Variants in PDE6A observed in about 807,000 individuals in gnomAD.
The protein encoded by PDE6A is rod cGMP-specific 3',5'-cyclic phosphodiesterase subunit alpha.
PDE6A carries 84 observed loss-of-function variants against 106.3 expected under a neutral mutation model. The observed-to-expected ratio is 0.79, with a 90% CI of 0.66 to 0.95. The LOEUF (loss-of-function observed/expected upper bound fraction) is 0.95. Among genes scored for constraint, PDE6A ranks in the 40% least tolerant of loss-of-function variants. The pLI, the probability that PDE6A is intolerant of heterozygous loss-of-function variation, is 0.00. For synonymous variants in PDE6A, 394 were observed against 386.6 expected (o/e 1.02, Z -0.23); for missense variants, 1,052 against 1,084.9 (o/e 0.97, Z 0.43).
intron 17 of PDE6A, 92 bp downstream of exon 17, chr5:149,883,337 A>C (rs1193964432): frequency 5.9e-6 from 5 of 851,656 alleles, no homozygotes; most frequent in Non-Finnish European, 1.0e-5. Flanking sequence ...AAATAGTCCC[A>C]AGGCTTGTTG....
At chr5:149,920,992 A>AAG (rs199858582) in intron 5 of PDE6A, among the ~76,000 whole-genome samples, 8,693 of 132,994 alleles carry the variant, frequency 0.065, 714 homozygotes, top group African/African-American at 0.19. Flanking sequence ...GAAAGAAAGA[A>AAG]AGAAAAAGAA....
At chr5:149,861,749 G>C (rs1760152363) in intron 21 of PDE6A, among the ~76,000 whole-genome samples, 1 of 152,052 alleles carries the variant, frequency 6.6e-6, no homozygotes, top group African/African-American at 2.4e-5. Flanking sequence ...AAAAAATGTT[G>C]GTACTGATTC....
intron 1 of PDE6A, among the ~76,000 whole-genome samples, chr5:149,941,606 T>C (rs1292912967): frequency 6.6e-6 from 1 of 152,198 alleles, no homozygotes; most frequent in Non-Finnish European, 1.5e-5. Flanking sequence ...GAAAAACACA[T>C]CACCTCTGTG....
intron 6 of PDE6A, among the ~76,000 whole-genome samples, chr5:149,908,935 A>G (rs251345): frequency 0.81 from 122,960 of 152,196 alleles, 49,927 homozygotes; most frequent in African/African-American, 0.86. Flanking sequence ...TTTGTGAGAA[A>G]GTTTTGATTT....
chr5:149,885,302 A>T (rs947320338), intron 14 of PDE6A, among the ~76,000 whole-genome samples: 2 of 152,254 alleles, frequency 1.3e-5, no homozygotes, highest in African/African-American at 4.8e-5. Context: ...GAAAGTATTG[A>T]GAAGACTCAG....
At chr5:149,913,679 C>G (rs1361737743) in intron 6 of PDE6A, among the ~76,000 whole-genome samples, 3 of 152,076 alleles carry the variant, frequency 2.0e-5, no homozygotes, top group Non-Finnish European at 4.4e-5. Flanking sequence ...TGTGGCTCTC[C>G]CACGAACCGA....
chr5:149,881,362 T>C (rs1760915822), intron 17 of PDE6A, among the ~76,000 whole-genome samples: 2 of 151,970 alleles, frequency 1.3e-5, no homozygotes, highest in East Asian at 3.9e-4. Context: ...TCATCAACGG[T>C]GGATTAGATA....
chr5:149,898,707 C>T (rs2113593558), intron 9 of PDE6A, among the ~76,000 whole-genome samples: 1 of 152,280 alleles, frequency 6.6e-6, no homozygotes, highest in East Asian at 1.9e-4. Flanking sequence ...AAAGCACTAA[C>T]ATACAGAAAG....
Position 149,921,631 on chromosome 5 carries a change from G to C in PDE6A, c.933+4C>G. ...TCATACTGAAAAGGTCAGAGAGAACGTACTCTTCCATCCGGAGTCCTGGGA... is the reference window on the plus strand; with the variant it reads ...TCATACTGAAAAGGTCAGAGAGAACCTACTCTTCCATCCGGAGTCCTGGGA... On this transcript the variant is annotated splice_donor_region_variant and intron_variant, in intron 5 of 21. Transcript: ENST00000255266. 9 of 1,607,898 alleles carry C rather than the reference G, an allele frequency of 5.6e-6. No individual in the cohort carries two copies. The highest frequency in any genetic ancestry group is 7.7e-6 in the Non-Finnish European group (9 of 1,174,460).
chr5:149,902,386 T>C (rs1157145708), intron 8 of PDE6A, among the ~76,000 whole-genome samples: 1 of 152,050 alleles, frequency 6.6e-6, no homozygotes, highest in Non-Finnish European at 1.5e-5. Flanking sequence ...GGTGTCTCTT[T>C]CCCCATGCAA....
At chr5:149,875,482 TGAC>T (rs1760705877) in intron 17 of PDE6A, among the ~76,000 whole-genome samples, 1 of 146,714 alleles carries the variant, frequency 6.8e-6, no homozygotes, top group African/African-American at 2.7e-5. Flanking sequence ...TTATACATAC[TGAC>T]TATTTTTTTT....
chr5:149,861,870 G>T (rs1043575857), intron 21 of PDE6A, among the ~76,000 whole-genome samples: 11 of 152,088 alleles, frequency 7.2e-5, no homozygotes, highest in Non-Finnish European at 1.5e-4. Context: ...AAGACAATTT[G>T]TACAAATTAG....
intron 1 of PDE6A, among the ~76,000 whole-genome samples, chr5:149,941,490 A>G (rs1481034950): frequency 6.6e-6 from 1 of 152,228 alleles, no homozygotes; most frequent in Non-Finnish European, 1.5e-5. Flanking sequence ...ATCTCAGGGA[A>G]CAGTGGATCC....
At chr5:149,895,643 A>C (rs1396649273) in intron 12 of PDE6A, among the ~76,000 whole-genome samples, 1 of 152,020 alleles carries the variant, frequency 6.6e-6, no homozygotes, top group East Asian at 1.9e-4. Context: ...GGAAAAAAAA[A>C]ACAAAAACAA....
chr5:149,895,952 A>G (rs964691007), intron 12 of PDE6A, among the ~76,000 whole-genome samples: 2 of 152,140 alleles, frequency 1.3e-5, no homozygotes, highest in Admixed American at 6.6e-5. Context: ...TCCCACACAT[A>G]CCTTCTCTGC....
chr5:149,865,943 A>G (rs1760315214), intron 20 of PDE6A, among the ~76,000 whole-genome samples: 3 of 152,170 alleles, frequency 2.0e-5, no homozygotes, highest in African/African-American at 7.2e-5. Context: ...CATTTGCCCC[A>G]CAATTATGTA....
At chr5:149,901,153 T>A (rs1169237782) in intron 8 of PDE6A, among the ~76,000 whole-genome samples, 1 of 152,094 alleles carries the variant, frequency 6.6e-6, no homozygotes, top group East Asian at 1.9e-4. Flanking sequence ...TGACCTCAGG[T>A]AATCTGCCCG....
chr5:149,930,927 G>C (rs1754014526), intron 4 of PDE6A, 101 bp downstream of exon 4: 3 of 1,207,120 alleles, frequency 2.5e-6, no homozygotes, highest in Non-Finnish European at 3.7e-6. Flanking sequence ...AATTCACCCA[G>C]CCTCTTCCCC....
chr5:149,886,845 A>G (rs77187626), intron 13 of PDE6A, among the ~76,000 whole-genome samples: 3,141 of 152,322 alleles, frequency 0.021, 58 homozygotes, highest in African/African-American at 0.044. Flanking sequence ...TTTGCCAGAC[A>G]CTTAACTCCT....
Sources: allele counts gnomAD v4.1 joint callset (sites outside exome capture counted in the v4.1 genomes callset), GRCh38; gene constraint gnomAD v4.1.1; transcripts MANE v1.5; gene names NCBI Gene and HGNC (gene_info 2026-07-23, HGNC 2026-07-21).